Variants in NRXN3 observed in about 807,000 individuals in gnomAD.
NRXN3 encodes the protein neurexin 3.
NRXN3 carries 32 observed loss-of-function variants against 137.6 expected under a neutral mutation model. The ratio of observed to expected loss-of-function variants is 0.23; its 90% CI spans 0.18 to 0.31. NRXN3 has a LOEUF of 0.31. NRXN3 is among the 10% of genes least tolerant of loss of function. NRXN3 has a pLI of 1.00. For missense variants in NRXN3, 1,574 were observed against 2,062.5 expected (o/e 0.76, Z 4.59); for synonymous variants, 798 against 784.5 (o/e 1.02, Z -0.29).
chr14:79,148,866 T>C (rs1275070812), intron 15 of NRXN3, among the ~76,000 whole-genome samples: 3 of 152,146 alleles, frequency 2.0e-5, no homozygotes, highest in Non-Finnish European at 4.4e-5. Flanking sequence ...TTTTTTCCCA[T>C]GCCTTTCTTA....
intron 4 of NRXN3, among the ~76,000 whole-genome samples, chr14:78,428,188 T>C (rs142748963): frequency 6.6e-6 from 1 of 152,342 alleles, no homozygotes; most frequent in Admixed American, 6.5e-5. Flanking sequence ...ATTGCTGTTA[T>C]TGTTATGCAA....
At chr14:78,612,143 T>C (rs1328082252) in intron 4 of NRXN3, among the ~76,000 whole-genome samples, 3 of 152,212 alleles carry the variant, frequency 2.0e-5, no homozygotes, top group Non-Finnish European at 2.9e-5. Context: ...GGAAAACCCT[T>C]CTCTAAGTTG....
intron 4 of NRXN3, among the ~76,000 whole-genome samples, chr14:78,614,492 T>C (rs1820545746): frequency 6.6e-6 from 1 of 151,744 alleles, no homozygotes; most frequent in African/African-American, 2.4e-5. Context: ...ATTAAGCAAA[T>C]TATGCCCAAC....
chr14:78,379,560 CT>C (rs1170268633), intron 4 of NRXN3, among the ~76,000 whole-genome samples: 1 of 152,156 alleles, frequency 6.6e-6, no homozygotes, highest in African/African-American at 2.4e-5. Context: ...AAATTCAACA[CT>C]TCTTTATGAT....
intron 19 of NRXN3, among the ~76,000 whole-genome samples, chr14:79,790,607 C>T (rs1192926002): frequency 6.8e-6 from 1 of 147,434 alleles, no homozygotes; most frequent in East Asian, 2.0e-4. Flanking sequence ...CTGTGTCTGG[C>T]CCAGGCTCTT....
At chr14:79,401,899 A>AT (rs1171289583) in intron 15 of NRXN3, among the ~76,000 whole-genome samples, 1 of 150,858 alleles carries the variant, frequency 6.6e-6, no homozygotes, top group Non-Finnish European at 1.5e-5. Context: ...TAATCACATC[A>AT]TTTTTTGTCT....
chr14:79,857,223 T>G (rs1240524775), intron 20 of NRXN3, among the ~76,000 whole-genome samples: 1 of 152,028 alleles, frequency 6.6e-6, no homozygotes, highest in Non-Finnish European at 1.5e-5. Flanking sequence ...ACTTTTTTGT[T>G]TGTTTGTTTG....
intron 15 of NRXN3, among the ~76,000 whole-genome samples, chr14:79,431,651 GT>G (rs1170271559): frequency 6.6e-6 from 1 of 152,096 alleles, no homozygotes; most frequent in African/African-American, 2.4e-5. Context: ...AATAAATCAA[GT>G]TTGCAAGTAC....
At chr14:79,845,896 A>G (rs36140992) in intron 20 of NRXN3, among the ~76,000 whole-genome samples, 66,525 of 91,000 alleles carry the variant, frequency 0.73, 24,676 homozygotes, top group East Asian at 0.89. Context: ...GATGGAGAGA[A>G]AGACAGAGAG....
chr14:78,392,042 G>A (rs772500326), intron 4 of NRXN3, among the ~76,000 whole-genome samples: 1 of 152,100 alleles, frequency 6.6e-6, no homozygotes, highest in Non-Finnish European at 1.5e-5. Flanking sequence ...AAAGGAAAAC[G>A]TGACTATAAA....
At chr14:79,842,668 A>G (rs1026815541) in intron 20 of NRXN3, among the ~76,000 whole-genome samples, 2 of 152,202 alleles carry the variant, frequency 1.3e-5, no homozygotes, top group African/African-American at 2.4e-5. Context: ...TGAGATATAT[A>G]TATATAGTAA....
At chr14:78,925,089 G>A (rs767365732) in intron 10 of NRXN3, among the ~76,000 whole-genome samples, 1 of 152,160 alleles carries the variant, frequency 6.6e-6, no homozygotes, top group Non-Finnish European at 1.5e-5. Flanking sequence ...ACAATCAGCT[G>A]ACTCATTTGA....
At chr14:78,359,749 G>A (rs886204063) in intron 4 of NRXN3, among the ~76,000 whole-genome samples, 4 of 152,160 alleles carry the variant, frequency 2.6e-5, no homozygotes, top group African/African-American at 9.7e-5. Context: ...TTGCTCTGAA[G>A]TACTGGTTGG....
At chr14:79,746,938 G>A (rs1319736085) in intron 19 of NRXN3, among the ~76,000 whole-genome samples, 1 of 152,098 alleles carries the variant, frequency 6.6e-6, no homozygotes, top group African/African-American at 2.4e-5. Flanking sequence ...AAGATTTGCT[G>A]AAGCAAAGTT....
At chr14:78,895,563 G>A (rs1268760551) in intron 10 of NRXN3, among the ~76,000 whole-genome samples, 1 of 151,866 alleles carries the variant, frequency 6.6e-6, no homozygotes, top group Non-Finnish European at 1.5e-5. Flanking sequence ...TCATCTGTGT[G>A]TTCACTGGAG....
At chr14:79,340,426 G>A (rs967451435) in intron 15 of NRXN3, among the ~76,000 whole-genome samples, 2 of 152,234 alleles carry the variant, frequency 1.3e-5, no homozygotes, top group South Asian at 4.1e-4. Flanking sequence ...ACATTGAAAG[G>A]TGCTAATAAA....
intron 1 of NRXN3, among the ~76,000 whole-genome samples, chr14:78,235,287 C>G (rs571335631): frequency 1.3e-5 from 2 of 152,100 alleles, no homozygotes; most frequent in South Asian, 4.2e-4. Context: ...TTCATCTACA[C>G]ACATGATTAT....
intron 15 of NRXN3, among the ~76,000 whole-genome samples, chr14:79,104,133 A>G (rs948123439): frequency 6.6e-6 from 1 of 152,210 alleles, no homozygotes; most frequent in African/African-American, 2.4e-5. Flanking sequence ...CTCACAGTCA[A>G]ACAAGTTTCC....
At chr14:78,790,113 C>T (rs2098800653) in intron 8 of NRXN3, among the ~76,000 whole-genome samples, 1 of 152,066 alleles carries the variant, frequency 6.6e-6, no homozygotes, top group South Asian at 2.1e-4. Flanking sequence ...TAAATTAAGT[C>T]ATATTTTAAA....
Sources: allele counts gnomAD v4.1 joint callset (sites outside exome capture counted in the v4.1 genomes callset), GRCh38; gene constraint gnomAD v4.1.1; transcripts MANE v1.5; gene names NCBI Gene and HGNC (gene_info 2026-07-23, HGNC 2026-07-21).